The following USP46 variants were observed in gnomAD, a reference collection of about 807,000 sequenced individuals.
USP46 encodes the protein ubiquitin specific peptidase 46, also known as ubiquitin carboxyl-terminal hydrolase 46.
USP46 carries 12 observed loss-of-function variants against 44.4 expected under a neutral mutation model. The ratio of observed to expected loss-of-function variants is 0.27; its 90% CI spans 0.17 to 0.44. USP46 has a LOEUF of 0.44. Among genes scored for constraint, USP46 ranks in the 20% least tolerant of loss-of-function variants. The pLI is 1.00. For missense variants in USP46, 248 were observed against 444.8 expected (o/e 0.56, Z 3.98); for synonymous variants, 155 against 161.5 (o/e 0.96, Z 0.31).
intron 7 of USP46, among the ~76,000 whole-genome samples, chr4:52,599,816 C>T (rs1716390342): frequency 2.6e-5 from 4 of 152,180 alleles, no homozygotes; most frequent in South Asian, 4.1e-4. Flanking sequence ...CTCCAGCCTC[C>T]TCCAGCTACT....
At chr4:52,635,990 G>A (rs1718099582) in intron 1 of USP46, among the ~76,000 whole-genome samples, 1 of 152,136 alleles carries the variant, frequency 6.6e-6, no homozygotes, top group African/African-American at 2.4e-5. Flanking sequence ...AGGCAGAATA[G>A]TAGTCCCCCT....
Position 52,598,691 on chromosome 4 carries a change from C to G in USP46, c.936G>C (p.Gly312=). ...VVHCGSGPNR[G]HYITIVKSHG... ...GACTTTTCACAATAGTGATATAATGCCCACGATTAGGACCACTGGAAAAGA... is the reference window on the plus strand; with the variant it reads ...GACTTTTCACAATAGTGATATAATGGCCACGATTAGGACCACTGGAAAAGA... Residue 312 remains glycine, a synonymous_variant, in exon 8 of 9, where the codon GGG becomes GGC. Transcript: ENST00000441222. 1 of 1,608,608 alleles carries G rather than the reference C, an allele frequency of 6.2e-7. No homozygotes were observed. The highest frequency in any genetic ancestry group is 8.5e-7 in the Non-Finnish European group (1 of 1,177,608).
At chr4:52,656,875 A>G (rs895260439) in intron 1 of USP46, among the ~76,000 whole-genome samples, 5 of 151,790 alleles carry the variant, frequency 3.3e-5, no homozygotes, top group Non-Finnish European at 5.9e-5. Flanking sequence ...CCCAGTCTCT[A>G]TGGAAAATTT....
chr4:52,647,107 G>C (rs1389044642), intron 1 of USP46, among the ~76,000 whole-genome samples: 1 of 152,170 alleles, frequency 6.6e-6, no homozygotes, highest in African/African-American at 2.4e-5. Context: ...GCCTGGTTCA[G>C]TGAATTCAGT....
intron 1 of USP46, among the ~76,000 whole-genome samples, chr4:52,636,940 G>C (rs932316066): frequency 1.3e-5 from 2 of 151,642 alleles, no homozygotes; most frequent in African/African-American, 4.8e-5. Context: ...CTTCCAAGTA[G>C]CTGGGACTTA....
Position 52,592,376 on chromosome 4 carries a change from A to G in USP46, c.*5264T>C, listed in dbSNP as rs563093320. 1.3e-5 allele frequency: 2 copies of G among 152,480 alleles called. No individual in the cohort carries two copies. Among genetic ancestry groups the G allele is most frequent in the South Asian group, 4.1e-4 (2 of 4,826 alleles). The allele number at this position is 152,480 out of a possible 1,614,324, so 9.4% of individuals were successfully genotyped here. On this transcript the variant is annotated 3_prime_UTR_variant, in exon 9 of 9. Coordinates refer to ENST00000441222, the MANE Select transcript of USP46 (RefSeq NM_022832.4). ...CCCACAACCAAAATTTTCCTTCAGT[A>G]AAAGAAAAATGACTGATACGGTTTG...
Position 52,622,552 on chromosome 4 carries a change from GC to G in USP46, c.561+3465del, listed in dbSNP as rs1318214009. Among the ~76,000 whole-genome samples, 10 of 152,048 alleles carry G rather than the reference GC, an allele frequency of 6.6e-5. No individual in the cohort carries two copies. In the East Asian group the frequency reaches 1.7e-3, roughly 26 times the overall value. On this transcript the variant is annotated intron_variant, in intron 4 of 8. Transcript: ENST00000441222. ...TTATTATATGTCAAATACTCCTTGGGCACCAGAGAGAGAAGCAAGACCGACA... is the reference window on the plus strand; with the variant it reads ...TTATTATATGTCAAATACTCCTTGGGACCAGAGAGAGAAGCAAGACCGACA...
chr4:52,628,473 AAAGAG>A (rs1309632378), intron 2 of USP46: 1 of 244,620 alleles, frequency 4.1e-6, no homozygotes, highest in African/African-American at 2.2e-5. Flanking sequence ...AAAAACAGAG[AAAGAG>A]AAGGGGAAAA....
intron 1 of USP46, among the ~76,000 whole-genome samples, chr4:52,648,223 A>C (rs1718627846): frequency 6.6e-6 from 1 of 152,222 alleles, no homozygotes; most frequent in South Asian, 2.1e-4. Flanking sequence ...TCTACAAAGT[A>C]GTTCAACAAA....
intron 1 of USP46, among the ~76,000 whole-genome samples, chr4:52,642,744 C>T (rs1718393702): frequency 6.6e-6 from 1 of 152,062 alleles, no homozygotes; most frequent in South Asian, 2.1e-4. Flanking sequence ...GACTGTGGAC[C>T]TTTTATCTAG....
intron 5 of USP46, among the ~76,000 whole-genome samples, chr4:52,609,869 T>A (rs1716856647): frequency 8.2e-6 from 1 of 122,238 alleles, no homozygotes; most frequent in Non-Finnish European, 1.7e-5. Flanking sequence ...AAAAAAAAAA[T>A]TATGGAAACC....
chr4:52,613,585 G>A (rs748064984), intron 4 of USP46, among the ~76,000 whole-genome samples: 6 of 151,922 alleles, frequency 3.9e-5, no homozygotes, highest in Non-Finnish European at 5.9e-5. Context: ...AGCTGGGTGC[G>A]GTGGCAGGCG....
chr4:52,638,103 C>G (rs566169218), intron 1 of USP46, among the ~76,000 whole-genome samples: 1 of 152,262 alleles, frequency 6.6e-6, no homozygotes, highest in East Asian at 1.9e-4. Flanking sequence ...GCAAAAGGGA[C>G]TTTGCAGATA....
intron 4 of USP46, among the ~76,000 whole-genome samples, chr4:52,612,071 G>C (rs188175590): frequency 6.6e-6 from 1 of 152,122 alleles, no homozygotes; most frequent in African/African-American, 2.4e-5. Context: ...GTTGTAAGGA[G>C]GAAATAAGAT....
intron 1 of USP46, among the ~76,000 whole-genome samples, chr4:52,644,758 A>C (rs1293358456): frequency 6.9e-6 from 1 of 144,242 alleles, no homozygotes; most frequent in Non-Finnish European, 1.5e-5. Flanking sequence ...AAAAAAAAAA[A>C]CCTCTGAAAA....
At chr4:52,622,082 T>C (rs975098414) in intron 4 of USP46, among the ~76,000 whole-genome samples, 5 of 152,184 alleles carry the variant, frequency 3.3e-5, no homozygotes, top group Admixed American at 1.3e-4. Flanking sequence ...GAAATACACA[T>C]GCGTATGTAT....
intron 1 of USP46, among the ~76,000 whole-genome samples, chr4:52,655,930 A>C (rs1355282584): frequency 6.6e-6 from 1 of 152,220 alleles, no homozygotes; most frequent in Non-Finnish European, 1.5e-5. Flanking sequence ...TATAACTAAA[A>C]CTGGCACAAG....
At chr4:52,633,393 G>A (rs1366048670) in intron 1 of USP46, among the ~76,000 whole-genome samples, 1 of 152,118 alleles carries the variant, frequency 6.6e-6, no homozygotes, top group Non-Finnish European at 1.5e-5. Context: ...GGGGGAGTTG[G>A]GGAGTGCTCA....
At chr4:52,634,119 CTT>C (rs778051273) in intron 1 of USP46, among the ~76,000 whole-genome samples, 13 of 144,460 alleles carry the variant, frequency 9.0e-5, no homozygotes, top group Non-Finnish European at 9.2e-5. Context: ...TGTCTTTTTT[CTT>C]TTTTTTTTTT....
Sources: allele counts gnomAD v4.1 joint callset (sites outside exome capture counted in the v4.1 genomes callset), GRCh38; gene constraint gnomAD v4.1.1; transcripts MANE v1.5; gene names NCBI Gene and HGNC (gene_info 2026-07-23, HGNC 2026-07-21).